CYP7B1: variants seen among roughly 807,000 people sequenced by gnomAD.
The protein encoded by CYP7B1 is cytochrome P450 7B1.
Under a neutral mutation model 42.7 loss-of-function variants are expected in CYP7B1, and 29 were observed. The ratio of observed to expected loss-of-function variants is 0.68; its 90% CI spans 0.51 to 0.93. The LOEUF (loss-of-function observed/expected upper bound fraction) is 0.93. Ranked by LOEUF, CYP7B1 falls within the 40% of genes least tolerant of loss-of-function variation. The pLI is 0.00. For synonymous variants in CYP7B1, 235 were observed against 218.2 expected (o/e 1.08, Z -0.68); for missense variants, 655 against 600.5 (o/e 1.09, Z -0.95).
intron 1 of CYP7B1, among the ~76,000 whole-genome samples, chr8:64,795,961 T>C (rs1162497998): frequency 2.0e-5 from 3 of 152,266 alleles, no homozygotes; most frequent in South Asian, 4.1e-4. Flanking sequence ...TTTTACCGAT[T>C]GTTAAAAATT....
chr8:64,718,316 G>A (rs1266532238), intron 1 of CYP7B1, among the ~76,000 whole-genome samples: 2 of 152,116 alleles, frequency 1.3e-5, no homozygotes, highest in African/African-American at 2.4e-5. Context: ...AAGCCACCAT[G>A]TCCATTCTGA....
At chr8:64,774,951 C>T (rs762528769) in intron 1 of CYP7B1, among the ~76,000 whole-genome samples, 1 of 152,146 alleles carries the variant, frequency 6.6e-6, no homozygotes, top group Non-Finnish European at 1.5e-5. Context: ...TAGCACTCTG[C>T]CATATCTTGA....
intron 1 of CYP7B1, among the ~76,000 whole-genome samples, chr8:64,738,564 A>G (rs1055664627): frequency 4.6e-5 from 7 of 152,112 alleles, no homozygotes; most frequent in African/African-American, 1.7e-4. Flanking sequence ...ACACACACAC[A>G]CGCATATAAA....
chr8:64,590,592 A>C (rs975636047), downstream of CYP7B1, among the ~76,000 whole-genome samples: 2 of 152,332 alleles, frequency 1.3e-5, no homozygotes, highest in African/African-American at 4.8e-5. Flanking sequence ...TAAACATTTT[A>C]AAACTTAGTG....
chr8:64,770,814 A>T (rs553709262), intron 1 of CYP7B1, among the ~76,000 whole-genome samples: 74 of 152,222 alleles, frequency 4.9e-4, no homozygotes, highest in Non-Finnish European at 7.9e-4. Context: ...GGGGAAATCT[A>T]AACACGCTTT....
At chr8:64,612,952 AT>A (rs1805383810) in intron 4 of CYP7B1, among the ~76,000 whole-genome samples, 1 of 152,116 alleles carries the variant, frequency 6.6e-6, no homozygotes, top group South Asian at 2.1e-4. Context: ...TGCAGAGGTT[AT>A]TTGTTGTGTA....
At chr8:64,647,533 A>G (rs1805972380) in intron 1 of CYP7B1, among the ~76,000 whole-genome samples, 1 of 152,202 alleles carries the variant, frequency 6.6e-6, no homozygotes, top group Non-Finnish European at 1.5e-5. Context: ...GAAGGTTGGT[A>G]AGTCTCATGA....
chr8:64,735,238 G>T (rs1442429614), intron 1 of CYP7B1, among the ~76,000 whole-genome samples: 1 of 152,080 alleles, frequency 6.6e-6, no homozygotes, highest in Non-Finnish European at 1.5e-5. Flanking sequence ...GAAAAAATAT[G>T]CACTGCAAAA....
In CYP7B1 at chr8:64,674,458, G is replaced by C. The variant is rs1394998320; in HGVS notation, c.123-49919C>G. Among the ~76,000 whole-genome samples, 3 of 152,060 alleles carry C rather than the reference G, an allele frequency of 2.0e-5. No individual in the cohort carries two copies. In the East Asian group the frequency reaches 5.8e-4, roughly 29 times the overall value. ...TTGCCTTATGCCTAGCAAGTTACCT[G>C]GCTATGGCAAGTTTGATACATATTT... On this transcript the variant is annotated intron_variant, in intron 1 of 5. Coordinates refer to ENST00000310193, the MANE Select transcript of CYP7B1 (RefSeq NM_004820.5).
intron 1 of CYP7B1, among the ~76,000 whole-genome samples, chr8:64,632,066 C>T (rs1805705043): frequency 6.6e-6 from 1 of 152,074 alleles, no homozygotes; most frequent in African/African-American, 2.4e-5. Flanking sequence ...ATATAATCCA[C>T]TTCTGGATAT....
intron 1 of CYP7B1, among the ~76,000 whole-genome samples, chr8:64,742,963 T>A (rs1357301386): frequency 6.6e-6 from 1 of 152,218 alleles, no homozygotes; most frequent in Admixed American, 6.5e-5. Context: ...ATTTCCTTCT[T>A]CTATGTTTAT....
intron 1 of CYP7B1, chr8:64,734,570 T>C (rs1303261201): frequency 6.6e-6 from 1 of 152,194 alleles, no homozygotes; most frequent in Non-Finnish European, 1.5e-5. Flanking sequence ...GCCACACCAC[T>C]TAATGCTGTT....
chr8:64,650,786 T>C (rs770909836), intron 1 of CYP7B1, among the ~76,000 whole-genome samples: 6 of 152,228 alleles, frequency 3.9e-5, no homozygotes, highest in Non-Finnish European at 7.3e-5. Context: ...TCTAAGAAAC[T>C]TACAATTTAA....
chr8:64,636,590 G>A (rs1585822182), intron 1 of CYP7B1, among the ~76,000 whole-genome samples: 3 of 151,788 alleles, frequency 2.0e-5, no homozygotes, highest in African/African-American at 7.3e-5. Context: ...TCATTCACTT[G>A]ACCACTTTCT....
intron 1 of CYP7B1, among the ~76,000 whole-genome samples, chr8:64,753,304 G>A (rs947488307): frequency 6.6e-6 from 1 of 152,150 alleles, no homozygotes; most frequent in Admixed American, 6.5e-5. Flanking sequence ...TTTATTGATA[G>A]CATCTAAAAT....
intron 1 of CYP7B1, among the ~76,000 whole-genome samples, chr8:64,765,371 A>G (rs1165902954): frequency 3.3e-5 from 5 of 152,198 alleles, no homozygotes; most frequent in African/African-American, 1.2e-4. Context: ...TCCTGGCTCA[A>G]AAGGTTGCTT....
At chr8:64,720,283 C>T (rs149800766) in intron 1 of CYP7B1, among the ~76,000 whole-genome samples, 51 of 152,150 alleles carry the variant, frequency 3.4e-4, no homozygotes, top group African/African-American at 1.1e-3. Context: ...TGAAAACTGA[C>T]TTATAACTTT....
chr8:64,640,984 A>C (rs898964586), intron 1 of CYP7B1, among the ~76,000 whole-genome samples: 1 of 152,214 alleles, frequency 6.6e-6, no homozygotes, highest in African/African-American at 2.4e-5. Context: ...TTCAAATAAA[A>C]GACTCAGCTG....
intron 1 of CYP7B1, among the ~76,000 whole-genome samples, chr8:64,693,309 G>A (rs991553500): frequency 9.8e-5 from 15 of 152,302 alleles, no homozygotes; most frequent in East Asian, 5.8e-4. Context: ...GTGTGCGTCC[G>A]TGTGTGTGTG....
Sources: gnomAD v4.1 joint callset for allele counts (sites outside exome capture counted in the v4.1 genomes callset) on GRCh38, gnomAD v4.1.1 for gene constraint, MANE v1.5 for transcripts, NCBI Gene and HGNC (gene_info 2026-07-23, HGNC 2026-07-21) for gene names.